Variants in GMDS observed in about 807,000 individuals in gnomAD.
GMDS encodes the protein GDP-mannose 4,6 dehydratase.
Under a neutral mutation model 49.9 loss-of-function variants are expected in GMDS, and 20 were observed. The observed-to-expected ratio is 0.40, with a 90% CI of 0.28 to 0.58. The LOEUF is 0.58. Ranked by LOEUF, GMDS falls within the 20% of genes least tolerant of loss-of-function variation. The pLI is 0.42. For missense variants in GMDS, 362 were observed against 481.4 expected (o/e 0.75, Z 2.32); for synonymous variants, 177 against 178.6 (o/e 0.99, Z 0.07).
intron 1 of GMDS, among the ~76,000 whole-genome samples, chr6:2,214,006 G>C (rs568544893): frequency 2.9e-4 from 44 of 152,252 alleles, no homozygotes; most frequent in African/African-American, 9.9e-4. Context: ...TCTGGTGCAG[G>C]AAAAATGTAT....
intron 9 of GMDS, among the ~76,000 whole-genome samples, chr6:1,649,935 G>T (rs926528583): frequency 6.6e-6 from 1 of 152,198 alleles, no homozygotes; most frequent in Non-Finnish European, 1.5e-5. Flanking sequence ...GGCCTTGAAA[G>T]AGCAGACTGG....
intron 4 of GMDS, among the ~76,000 whole-genome samples, chr6:2,004,157 T>C (rs1713689374): frequency 6.6e-6 from 1 of 152,244 alleles, no homozygotes; most frequent in South Asian, 2.1e-4. Context: ...TTAGAGTATG[T>C]TCATTGCCAA....
chr6:1,700,435 G>T (rs1765502351), intron 9 of GMDS, among the ~76,000 whole-genome samples: 1 of 152,114 alleles, frequency 6.6e-6, no homozygotes, highest in Non-Finnish European at 1.5e-5. Context: ...AGGAGGGAAG[G>T]GAGAGCCTGG....
At chr6:2,143,117 G>A (rs1310418712) in intron 1 of GMDS, among the ~76,000 whole-genome samples, 1 of 152,202 alleles carries the variant, frequency 6.6e-6, no homozygotes, top group Non-Finnish European at 1.5e-5. Flanking sequence ...CTGGTTGGCT[G>A]GAATACATAT....
chr6:1,777,221 G>A (rs1043599416), intron 7 of GMDS, among the ~76,000 whole-genome samples: 1 of 152,248 alleles, frequency 6.6e-6, no homozygotes, highest in Non-Finnish European at 1.5e-5. Context: ...AGACATGGAG[G>A]GGAGACGCGC....
In GMDS at chr6:1,833,579, T is replaced by C. The variant is rs1756780583; in HGVS notation, c.772-90993A>G. Among the ~76,000 whole-genome samples the C allele has an allele frequency of 6.6e-6, 1 of 152,154 alleles. No homozygotes were observed. ...GGAACATAACACAAGGTAATTAAAT[T>C]GTAAATTACTTGAGAGAGAAATGTT... On this transcript the variant is annotated intron_variant, in intron 7 of 10. Transcript: ENST00000380815. The surrounding 1 kb of genome is among the most constrained non-coding windows in gnomAD (Gnocchi z 4.4).
chr6:1,911,686 A>G (rs1033119340), intron 7 of GMDS, among the ~76,000 whole-genome samples: 1 of 152,346 alleles, frequency 6.6e-6, no homozygotes, highest in East Asian at 1.9e-4. Context: ...TGCCACACAC[A>G]TATAATAACG....
At chr6:1,720,439 T>C (rs763590880) in intron 9 of GMDS, among the ~76,000 whole-genome samples, 1 of 152,006 alleles carries the variant, frequency 6.6e-6, no homozygotes, top group Non-Finnish European at 1.5e-5. Flanking sequence ...GATATAAAGA[T>C]TAGTATGAGG....
chr6:1,905,998 C>T (rs560767399), intron 7 of GMDS, among the ~76,000 whole-genome samples: 6 of 151,850 alleles, frequency 4.0e-5, no homozygotes, highest in East Asian at 1.9e-4. Context: ...AAGTACCCAC[C>T]GAGACTTTCT....
chr6:1,650,839 C>T (rs1051980390), intron 9 of GMDS, among the ~76,000 whole-genome samples: 1 of 152,214 alleles, frequency 6.6e-6, no homozygotes, highest in Non-Finnish European at 1.5e-5. Context: ...CTTGGCCTCC[C>T]AAACTGTTGG....
At chr6:1,883,033 G>T (rs1299960949) in intron 7 of GMDS, among the ~76,000 whole-genome samples, 3 of 152,150 alleles carry the variant, frequency 2.0e-5, no homozygotes, top group Non-Finnish European at 2.9e-5. Context: ...TAGAGAAAAG[G>T]ATTACTCTTT....
At chr6:1,886,057 G>T (rs1217864474) in intron 7 of GMDS, among the ~76,000 whole-genome samples, 6 of 152,226 alleles carry the variant, frequency 3.9e-5, no homozygotes, top group Admixed American at 1.3e-4. Context: ...TTTCCTGCTT[G>T]GTCATTTGTC....
At chr6:1,668,472 GACCAAGGCAGGCGGATC>G (rs1211484621) in intron 9 of GMDS, among the ~76,000 whole-genome samples, 2 of 152,226 alleles carry the variant, frequency 1.3e-5, no homozygotes, top group South Asian at 2.1e-4. Context: ...CACTTCAGGA[GACCAAGGCAGGCGGATC>G]ACCTGAGGTC....
intron 7 of GMDS, among the ~76,000 whole-genome samples, chr6:1,912,510 T>C (rs1761122606): frequency 6.6e-6 from 1 of 152,174 alleles, no homozygotes; most frequent in African/African-American, 2.4e-5. Flanking sequence ...ATACAAACAG[T>C]TATAAAACAA....
At chr6:2,100,335 T>A (rs1045737335) in intron 4 of GMDS, among the ~76,000 whole-genome samples, 2 of 152,070 alleles carry the variant, frequency 1.3e-5, no homozygotes, top group African/African-American at 4.8e-5. Flanking sequence ...TATAGTTATC[T>A]TTTGGATTTA....
At chr6:2,137,453 C>A (rs1292194343) in intron 1 of GMDS, among the ~76,000 whole-genome samples, 2 of 151,992 alleles carry the variant, frequency 1.3e-5, no homozygotes, top group African/African-American at 4.8e-5. Context: ...CCTGCCTCAG[C>A]CTCCCGAGTA....
chr6:1,897,811 C>T (rs959437478), intron 7 of GMDS, among the ~76,000 whole-genome samples: 2 of 152,244 alleles, frequency 1.3e-5, no homozygotes, highest in Admixed American at 6.5e-5. Flanking sequence ...TTTCATCCCT[C>T]GACATGACCT....
chr6:2,072,774 T>C (rs746252344), intron 4 of GMDS, among the ~76,000 whole-genome samples: 1 of 152,200 alleles, frequency 6.6e-6, no homozygotes, highest in Non-Finnish European at 1.5e-5. Context: ...GCTGCAAGAA[T>C]AACAACATTT....
At chr6:1,962,239 C>T (rs1281257314) in intron 4 of GMDS, among the ~76,000 whole-genome samples, 1 of 152,138 alleles carries the variant, frequency 6.6e-6, no homozygotes, top group Non-Finnish European at 1.5e-5. Context: ...TACCTCAGAA[C>T]CTAGTATCAG....
Sources: allele counts gnomAD v4.1 joint callset (sites outside exome capture counted in the v4.1 genomes callset), GRCh38; gene constraint gnomAD v4.1.1; non-coding constraint Gnocchi (gnomAD v3.1); transcripts MANE v1.5; gene names NCBI Gene and HGNC (gene_info 2026-07-23, HGNC 2026-07-21).